Variants in PLD5 observed in about 807,000 individuals in gnomAD.
PLD5 encodes inactive phospholipase D5.
PLD5 carries 36 observed loss-of-function variants against 61.1 expected under a neutral mutation model. The ratio of observed to expected loss-of-function variants is 0.59; its 90% CI spans 0.45 to 0.78. The LOEUF is 0.78. PLD5 is among the 30% of genes least tolerant of loss of function. The pLI is 0.00. For synonymous variants in PLD5, 243 were observed against 242.8 expected, an observed-to-expected ratio of 1.00 and a Z score of -0.01; for missense variants, 515 against 644.4, an observed-to-expected ratio of 0.80 and a Z score of 2.17.
intron 2 of PLD5, among the ~76,000 whole-genome samples, chr1:242,315,653 T>C (rs1676963823): frequency 6.6e-6 from 1 of 152,226 alleles, no homozygotes; most frequent in South Asian, 2.1e-4. Flanking sequence ...GATAACTTTT[T>C]TTTTTAAGAA....
intron 4 of PLD5, among the ~76,000 whole-genome samples, chr1:242,239,928 G>A (rs1217995242): frequency 2.0e-5 from 3 of 152,188 alleles, no homozygotes; most frequent in Non-Finnish European, 2.9e-5. Context: ...TTTAACGAAG[G>A]GCTGCCAAAA....
intron 1 of PLD5, among the ~76,000 whole-genome samples, chr1:242,450,159 T>TTA (rs1391833104): frequency 6.6e-6 from 1 of 152,156 alleles, no homozygotes; most frequent in East Asian, 1.9e-4. Context: ...GTTTAAAAAT[T>TTA]TATCTCAGAA....
rs192555035 is a variant in PLD5, at chr1:242,296,077, G to T, written c.327-7547C>A. Among the ~76,000 whole-genome samples the T allele has an allele frequency of 7.2e-4, 110 of 152,262 alleles. 1 individual carries two copies. Among genetic ancestry groups the T allele is most frequent in the Admixed American group, 2.4e-3 (36 of 15,298 alleles). ...GTTCCCGCTTCTGAGCAGAAAAAAG[G>T]TTATTACAAAGATTAACGGAGGGAA... is the stretch of plus-strand genomic sequence containing the variant. On this transcript the variant is annotated intron_variant, in intron 2 of 9. Transcript: ENST00000536534.
At chr1:242,418,097 G>T (rs1251674334) in intron 1 of PLD5, among the ~76,000 whole-genome samples, 2 of 152,128 alleles carry the variant, frequency 1.3e-5, no homozygotes, top group Admixed American at 1.3e-4. Context: ...TGTTGCATTA[G>T]AAGAGGTGAA....
At chr1:242,373,273 T>C (rs1053040036) in intron 1 of PLD5, among the ~76,000 whole-genome samples, 6 of 152,128 alleles carry the variant, frequency 3.9e-5, no homozygotes, top group African/African-American at 1.4e-4. Flanking sequence ...CCAGTTAGAA[T>C]GGCGATCATT....
At chr1:242,200,105 T>C (rs998609649) in intron 5 of PLD5, among the ~76,000 whole-genome samples, 2 of 152,132 alleles carry the variant, frequency 1.3e-5, no homozygotes, top group Non-Finnish European at 2.9e-5. Flanking sequence ...TTGGAAGCAG[T>C]GAGTAAATGG....
chr1:242,157,505 G>A (rs1436513867), intron 5 of PLD5, among the ~76,000 whole-genome samples: 1 of 152,126 alleles, frequency 6.6e-6, no homozygotes. Context: ...TCTAACTTTG[G>A]TCTTTGATGT....
chr1:242,276,688 A>C (rs1674433336), intron 3 of PLD5, among the ~76,000 whole-genome samples: 1 of 151,646 alleles, frequency 6.6e-6, no homozygotes, highest in South Asian at 2.1e-4. Context: ...TCAGAGCTTT[A>C]GGAGTTCAGT....
At chr1:242,133,152 A>T (rs1002528458) in intron 5 of PLD5, among the ~76,000 whole-genome samples, 1 of 151,866 alleles carries the variant, frequency 6.6e-6, no homozygotes, top group African/African-American at 2.4e-5. Flanking sequence ...CTTCATTTGC[A>T]TAGGGGTATA....
intron 2 of PLD5, among the ~76,000 whole-genome samples, chr1:242,333,784 AT>A (rs1659337098): frequency 6.6e-6 from 1 of 152,144 alleles, no homozygotes; most frequent in Non-Finnish European, 1.5e-5. Context: ...ATTTAACATA[AT>A]GACCTCCAGT....
intron 4 of PLD5, chr1:242,235,322 C>G (rs1671566842): frequency 6.6e-6 from 1 of 152,168 alleles, no homozygotes; most frequent in South Asian, 2.1e-4. Flanking sequence ...TAACACAATT[C>G]ATTTAATAGG....
At chr1:242,373,384 C>A (rs1403258641) in intron 1 of PLD5, among the ~76,000 whole-genome samples, 1 of 152,198 alleles carries the variant, frequency 6.6e-6, no homozygotes, top group African/African-American at 2.4e-5. Context: ...TTGTGGAAGA[C>A]AGTGTGGCGA....
At chr1:242,453,448 C>A (rs1487242190) in intron 1 of PLD5, among the ~76,000 whole-genome samples, 1 of 152,174 alleles carries the variant, frequency 6.6e-6, no homozygotes, top group Non-Finnish European at 1.5e-5. Flanking sequence ...TGAGCAAATG[C>A]ATTTTATCTT....
At chr1:242,396,670 T>C (rs12410057) in intron 1 of PLD5, among the ~76,000 whole-genome samples, 2,935 of 55,006 alleles carry the variant, frequency 0.053, 109 homozygotes, top group Admixed American at 0.19. Flanking sequence ...TTTCTTTTCT[T>C]TTCTTTTTTT....
chr1:242,398,936 G>A (rs1406218093), intron 1 of PLD5, among the ~76,000 whole-genome samples: 2 of 152,084 alleles, frequency 1.3e-5, no homozygotes, highest in African/African-American at 4.8e-5. Flanking sequence ...TCTAACAGGA[G>A]AGCTAGGGAC....
intron 1 of PLD5, among the ~76,000 whole-genome samples, chr1:242,510,572 G>A (rs11587659): frequency 0.12 from 18,568 of 152,214 alleles, 1,456 homozygotes; most frequent in Non-Finnish European, 0.18. Context: ...TGGGCCCGGT[G>A]CGGTGGCTCA....
chr1:242,320,163 G>T (rs1236274456), intron 2 of PLD5, among the ~76,000 whole-genome samples: 1 of 151,056 alleles, frequency 6.6e-6, no homozygotes, highest in Non-Finnish European at 1.5e-5. Context: ...TGTATGAATA[G>T]GTTTAAAATA....
intron 1 of PLD5, among the ~76,000 whole-genome samples, chr1:242,414,484 T>C (rs1417848018): frequency 6.6e-6 from 1 of 152,102 alleles, no homozygotes; most frequent in African/African-American, 2.4e-5. Context: ...GACAACTCAA[T>C]TACAAATGCA....
chr1:242,492,450 A>G (rs1428176546), intron 1 of PLD5, among the ~76,000 whole-genome samples: 1 of 145,472 alleles, frequency 6.9e-6, no homozygotes, highest in Non-Finnish European at 1.5e-5. Context: ...TGAGCCCGGG[A>G]GGCAGAGGTT....
Sources: gnomAD v4.1 joint callset for allele counts (sites outside exome capture counted in the v4.1 genomes callset) on GRCh38, gnomAD v4.1.1 for gene constraint, MANE v1.5 for transcripts, NCBI Gene and HGNC (gene_info 2026-07-23, HGNC 2026-07-21) for gene names.